Variants in CDON observed in about 807,000 individuals in gnomAD.
CDON encodes cell adhesion molecule-related/down-regulated by oncogenes.
CDON carries 73 observed loss-of-function variants against 120.9 expected under a neutral mutation model. The ratio of observed to expected loss-of-function variants is 0.60; its 90% CI spans 0.50 to 0.73. The LOEUF (loss-of-function observed/expected upper bound fraction) is 0.73, where lower values mean the gene tolerates loss of function less well. Among genes scored for constraint, CDON ranks in the 30% least tolerant of loss-of-function variants. CDON has a pLI of 0.00. For missense variants in CDON, 1,470 were observed against 1,587.3 expected, an observed-to-expected ratio of 0.93 and a Z score of 1.26; for synonymous variants, 566 against 573.5, an observed-to-expected ratio of 0.99 and a Z score of 0.19.
intron 18 of CDON, among the ~76,000 whole-genome samples, chr11:125,968,484 C>T (rs190491491): frequency 6.4e-4 from 98 of 152,270 alleles, no homozygotes; most frequent in Middle Eastern, 3.4e-3. Flanking sequence ...TGGTTATCAG[C>T]GTGTCGACAC....
intron 1 of CDON, among the ~76,000 whole-genome samples, chr11:126,052,743 A>C (rs996192518): frequency 6.6e-6 from 1 of 151,870 alleles, no homozygotes; most frequent in East Asian, 1.9e-4. Flanking sequence ...GAATTGCTTG[A>C]ACCTGGGAGG....
At chr11:126,046,626 T>G (rs1198068987) in intron 1 of CDON, among the ~76,000 whole-genome samples, 1 of 152,224 alleles carries the variant, frequency 6.6e-6, no homozygotes, top group Non-Finnish European at 1.5e-5. Flanking sequence ...CTTGTCATTT[T>G]CCGATTCTAC....
chr11:125,963,857 T>C (rs1565487409), intron 18 of CDON, among the ~76,000 whole-genome samples: 1 of 152,216 alleles, frequency 6.6e-6, no homozygotes, highest in Non-Finnish European at 1.5e-5. Flanking sequence ...ACACATGTCT[T>C]CAGTGAATAA....
In CDON at chr11:125,961,996, C is replaced by A; in HGVS notation, c.3359G>T (p.Cys1120Phe). Residue 1120 changes from cysteine to phenylalanine, a missense_variant and splice_region_variant, in exon 19 of 20, where the codon TGT (cysteine) becomes TTT (phenylalanine). Physicochemically the swap from Cys to Phe is radical, Grantham distance 205 (BLOSUM62 -2). Coordinates refer to ENST00000531738, the MANE Select transcript of CDON (RefSeq NM_001378964.1). Reference protein sequence around the residue: ...NCRNCRNNNRCFTKTNSTFSS... With the variant: ...NCRNCRNNNRFFTKTNSTFSS... ...GAAAGTGCTGTTGGTTTTGGTGAAA[C>A]ACCTGCAGAGGTTAAACCAAAAGAA... 1 of 1,613,740 alleles carries A rather than the reference C, an allele frequency of 6.2e-7. No homozygotes were observed. The highest frequency in any genetic ancestry group is 8.5e-7 in the Non-Finnish European group (1 of 1,179,666).
At position 126,003,944 on chromosome 11, in the gene CDON, C is replaced by A; in HGVS notation, c.1984G>T (p.Gly662Cys). 6.2e-7 allele frequency: 1 copy of A among 1,614,148 alleles called. No homozygotes were observed. The change falls in exon 10 of 20, where the codon GGT becomes TGT. Residue 662 changes from glycine to cysteine, a missense_variant. Coordinates refer to ENST00000531738, the MANE Select transcript of CDON (RefSeq NM_001378964.1). ...EVLMVARSAA[G>C]EGQPAMLTFR... ...GTAAGCATGGCAGGTTGGCCTTCAC[C>A]TGCTGCGCTTCTTGCTACCATCAAG...
chr11:126,003,896 A>C lies in CDON; in HGVS notation c.2026+6T>G, dbSNP rs753587433. ...GCTCATTCCTCCAAAGGAAGCCCTC[A>C]CTCACCTTTGCTGGTTCGGAAGGTA... On this transcript the variant is annotated splice_donor_region_variant and intron_variant, in intron 10 of 19. Transcript: ENST00000531738. 2.5e-5 allele frequency: 40 copies of C among 1,613,062 alleles called. No individual in the cohort carries two copies. In the Admixed American group the frequency reaches 5.0e-4, roughly 20 times the overall value.
chr11:126,002,782 T>C (rs910301006), intron 10 of CDON, among the ~76,000 whole-genome samples: 1 of 152,132 alleles, frequency 6.6e-6, no homozygotes, highest in Admixed American at 6.6e-5. Flanking sequence ...AGAGGTAAAA[T>C]CAAAGTCGTC....
At chr11:126,051,284 TC>T (rs1948552471) in intron 1 of CDON, among the ~76,000 whole-genome samples, 1 of 152,190 alleles carries the variant, frequency 6.6e-6, no homozygotes, top group African/African-American at 2.4e-5. Flanking sequence ...CACTTCCTTA[TC>T]TTTTCCCTAA....
intron 1 of CDON, among the ~76,000 whole-genome samples, chr11:126,030,346 T>G (rs1470466733): frequency 3.9e-5 from 6 of 152,248 alleles, no homozygotes; most frequent in Admixed American, 2.0e-4. Context: ...TACTTTGTTT[T>G]TGAAGCAACG....
At chr11:126,026,832 T>C (rs997703977) in intron 1 of CDON, among the ~76,000 whole-genome samples, 3 of 152,226 alleles carry the variant, frequency 2.0e-5, no homozygotes, top group African/African-American at 7.2e-5. Flanking sequence ...TTCAAATAAC[T>C]TGTTAACAGG....
intron 16 of CDON, among the ~76,000 whole-genome samples, chr11:125,982,665 G>A (rs1339491551): frequency 1.3e-5 from 2 of 152,290 alleles, no homozygotes; most frequent in East Asian, 3.9e-4. Context: ...ATAAATGACT[G>A]AATGAACACC....
At chr11:126,012,108 C>CA (rs1947321311) in intron 7 of CDON, among the ~76,000 whole-genome samples, 1 of 152,158 alleles carries the variant, frequency 6.6e-6, no homozygotes. Context: ...GCAAGTCTCC[C>CA]ATGTTCTTTT....
At chr11:125,970,243 C>T (rs867958855) in intron 18 of CDON, among the ~76,000 whole-genome samples, 1 of 144,940 alleles carries the variant, frequency 6.9e-6, no homozygotes, top group African/African-American at 2.6e-5. Flanking sequence ...GGCGCGATCT[C>T]GACTCACCGC....
chr11:126,055,450 C>A (rs1948658593), intron 1 of CDON, among the ~76,000 whole-genome samples: 1 of 152,174 alleles, frequency 6.6e-6, no homozygotes, highest in African/African-American at 2.4e-5. Context: ...ACAGTTCCTT[C>A]CATCATTTTA....
In CDON at chr11:125,981,295, T is replaced by A; in HGVS notation, c.3030A>T (p.Ser1010=). The change falls in exon 17 of 20, where the codon TCA becomes TCT. Residue 1010 remains serine, a synonymous_variant. Coordinates refer to ENST00000531738, the MANE Select transcript of CDON (RefSeq NM_001378964.1). ...AGTCCACCATCTGCCCGTTCATATC[T>A]GATCCTTGGTAGAGATATCCTGGTG... is the stretch of plus-strand genomic sequence containing the variant. ...YDPPGYLYQG[S]DMNGQMVDYT... 1 of 1,614,026 alleles carries A rather than the reference T, an allele frequency of 6.2e-7. No homozygotes were observed. The highest frequency in any genetic ancestry group is 8.5e-7 in the Non-Finnish European group (1 of 1,180,022).
In CDON at chr11:125,961,786, C is replaced by G; in HGVS notation, c.3569G>C (p.Cys1190Ser). 6.2e-7 allele frequency: 1 copy of G among 1,614,162 alleles called. No homozygotes were observed. ...VEPVPTQRTC[C>S]QDIVNDVSSD... ...GCTGACGTCATTTACAATGTCCTGA[C>G]AGCAGGTACGCTGAGTAGGGACTGG... Residue 1190 changes from cysteine to serine, a missense_variant, in exon 19 of 20, where the codon TGT becomes TCT. Coordinates refer to ENST00000531738, the MANE Select transcript of CDON (RefSeq NM_001378964.1).
chr11:126,006,055 G>T lies in CDON; in HGVS notation c.1555C>A (p.Pro519Thr). ...TCTGCTTTTGTATTTGTTTCAAAAG[G>T]AACTGCAGGGAGAGAGAGAGGAGAC... ...TQAEASLMVVPFETNTKAETV... is the reference protein window; with the variant it reads ...TQAEASLMVVTFETNTKAETV... The change falls in exon 9 of 20, where the codon CCT (proline) becomes ACT (threonine). Residue 519 changes from proline (P) to threonine (T), a missense_variant and splice_region_variant. Physicochemically the swap from Pro to Thr is conservative, Grantham distance 38. Transcript: ENST00000531738. 1 of 1,613,464 alleles carries T rather than the reference G, an allele frequency of 6.2e-7. No individual in the cohort carries two copies. Among genetic ancestry groups the T allele is most frequent in the South Asian group, 1.1e-5 (1 of 91,066 alleles).
At chr11:126,063,012 G>T (rs531102158), upstream of CDON, among the ~76,000 whole-genome samples, 4 of 151,824 alleles carry the variant, frequency 2.6e-5, no homozygotes, top group Admixed American at 1.3e-4. Flanking sequence ...AGAGGCCGCT[G>T]TGCCCCGCCG....
At chr11:126,057,152 T>C (rs1039963534) in intron 1 of CDON, among the ~76,000 whole-genome samples, 1 of 152,200 alleles carries the variant, frequency 6.6e-6, no homozygotes, top group Non-Finnish European at 1.5e-5. Context: ...AACCCAGTTC[T>C]GTGAATAAAA....
Sources: gnomAD v4.1 joint callset for allele counts (sites outside exome capture counted in the v4.1 genomes callset) on GRCh38, gnomAD v4.1.1 for gene constraint, MANE v1.5 for transcripts, NCBI Gene and HGNC (gene_info 2026-07-23, HGNC 2026-07-21) for gene names.